The following FMO4 variants were observed in gnomAD, a reference collection of about 807,000 sequenced individuals.
FMO4 encodes the protein dimethylaniline monooxygenase [N-oxide-forming] 4.
Under a neutral mutation model 43.3 loss-of-function variants are expected in FMO4, and 38 were observed. That is an observed-to-expected ratio of 0.88 (90% CI 0.68 to 1.15). FMO4 has a LOEUF of 1.15. Ranked by LOEUF, FMO4 falls within the 50% of genes most tolerant of loss-of-function variation. The pLI is 0.00. For synonymous variants in FMO4, 224 were observed against 232.2 expected (o/e 0.96, Z 0.32); for missense variants, 631 against 663.3 (o/e 0.95, Z 0.54).
rs375743555 is a variant in FMO4 at position 171,323,096 on chromosome 1, C to T, written c.225C>T (p.His75=). The T allele has an allele frequency of 8.8e-5, 142 of 1,612,812 alleles. No homozygotes were observed. The highest frequency in any genetic ancestry group is 1.3e-4 in the African/African-American group (10 of 74,862). The change falls in exon 4 of 10, where the codon CAC becomes CAT. Residue 75 remains histidine, a synonymous_variant. Coordinates refer to ENST00000367749, the MANE Select transcript of FMO4 (RefSeq NM_002022.3). The part of the protein sequence containing the change: ...EMSCYSDFPF[H]EDYPNFMNHE... ...CATGTTACAGTGACTTCCCTTTCCA[C>T]GAAGATTATCCTAATTTCATGAACC...
At chr1:171,320,942 C>T (rs1662398499) in intron 3 of FMO4, among the ~76,000 whole-genome samples, 1 of 152,038 alleles carries the variant, frequency 6.6e-6, no homozygotes, top group Non-Finnish European at 1.5e-5. Flanking sequence ...TCATAGAAGA[C>T]ATGTTGTTTG....
chr1:171,325,504 T>A (rs2284129), intron 5 of FMO4, among the ~76,000 whole-genome samples: 60,220 of 152,018 alleles, frequency 0.4, 14,318 homozygotes, highest in African/African-American at 0.68. Context: ...AGGAAAATAC[T>A]TCTTATAAAT....
In FMO4 at chr1:171,323,133, T is replaced by G. The variant is rs754687832; in HGVS notation, c.262T>G (p.Trp88Gly). ...YPNFMNHEKFWDYLQEFAEHF... is the reference protein window; with the variant it reads ...YPNFMNHEKFGDYLQEFAEHF... ...TAATTTCATGAACCATGAAAAATTT[T>G]GGGACTATCTCCAAGAATTTGCTGA... is the stretch of plus-strand genomic sequence containing the variant. The change falls in exon 4 of 10, where the codon TGG (tryptophan) becomes GGG (glycine). Residue 88 changes from tryptophan (W) to glycine (G), a missense_variant. Physicochemically the swap from Trp to Gly is radical, Grantham distance 184. Coordinates refer to ENST00000367749, the MANE Select transcript of FMO4 (RefSeq NM_002022.3). 7.4e-6 allele frequency: 12 copies of G among 1,613,846 alleles called. No individual in the cohort carries two copies. The highest frequency in any genetic ancestry group is 1.0e-5 in the Non-Finnish European group (12 of 1,179,792).
chr1:171,315,786 TA>T (rs1264323296), intron 1 of FMO4, among the ~76,000 whole-genome samples: 1 of 152,186 alleles, frequency 6.6e-6, no homozygotes, highest in East Asian at 1.9e-4. Context: ...AGTCAGTCCT[TA>T]AAGTGCTTTT....
intron 2 of FMO4, among the ~76,000 whole-genome samples, chr1:171,317,404 T>C (rs1356890322): frequency 6.6e-6 from 1 of 152,198 alleles, no homozygotes; most frequent in African/African-American, 2.4e-5. Context: ...AACTATCATT[T>C]GTGTGTCTTC....
intron 9 of FMO4, among the ~76,000 whole-genome samples, chr1:171,339,939 C>G (rs12057885): frequency 0.42 from 63,291 of 151,936 alleles, 14,433 homozygotes; most frequent in African/African-American, 0.62. Context: ...CCATTGAAAT[C>G]GCTGATGAAG....
chr1:171,331,331 A>G lies in FMO4; in HGVS notation c.485-309A>G, dbSNP rs560750847. On this transcript the variant is annotated intron_variant, in intron 5 of 9. Coordinates refer to ENST00000367749, the MANE Select transcript of FMO4 (RefSeq NM_002022.3). Reference sequence around the variant, plus strand: ...CTACTTTTTGCCCAGGATATTCAGCATAGTATATAAGATGTCTCATTATTT... The same window carrying G: ...CTACTTTTTGCCCAGGATATTCAGCGTAGTATATAAGATGTCTCATTATTT... 1.4e-3 allele frequency among the ~76,000 whole-genome samples: 212 copies of G among 152,332 alleles called. 1 individual carries two copies. The highest frequency in any genetic ancestry group is 4.4e-3 in the African/African-American group (182 of 41,574).
chr1:171,329,269 A>G (rs992482872), intron 5 of FMO4, among the ~76,000 whole-genome samples: 1 of 152,120 alleles, frequency 6.6e-6, no homozygotes, highest in African/African-American at 2.4e-5. Context: ...GTGGTGTCCC[A>G]GGTTCTGATT....
At chr1:171,327,225 C>A (rs1239399830) in intron 5 of FMO4, among the ~76,000 whole-genome samples, 1 of 152,190 alleles carries the variant, frequency 6.6e-6, no homozygotes, top group African/African-American at 2.4e-5. Context: ...TTCTAATCAT[C>A]CTTTAACAAA....
At chr1:171,315,434 T>C (rs1386330825) in intron 1 of FMO4, among the ~76,000 whole-genome samples, 2 of 150,388 alleles carry the variant, frequency 1.3e-5, no homozygotes, top group Admixed American at 6.6e-5. Flanking sequence ...ATTCATATCT[T>C]TTTTTTTTTG....
intron 3 of FMO4, among the ~76,000 whole-genome samples, chr1:171,320,219 C>T (rs1662355842): frequency 6.6e-6 from 1 of 152,190 alleles, no homozygotes; most frequent in Admixed American, 6.5e-5. Context: ...TAGTATTGGA[C>T]ATTTATGATG....
At chr1:171,340,571 A>G (rs1443367037) in intron 9 of FMO4, among the ~76,000 whole-genome samples, 1 of 152,174 alleles carries the variant, frequency 6.6e-6, no homozygotes, top group East Asian at 1.9e-4. Flanking sequence ...TGATGGGAAA[A>G]TATTTCCTGA....
rs1662902880 is a variant in FMO4, at chr1:171,331,657, G to T, written c.502G>T (p.Gly168Cys). The T allele has an allele frequency of 1.2e-6, 2 of 1,613,688 alleles. No individual in the cohort carries two copies. The highest frequency in any genetic ancestry group is 2.7e-5 in the African/African-American group (2 of 74,880). Residue 168 changes from glycine to cysteine, a missense_variant, in exon 6 of 10, where the codon GGT becomes TGT. Physicochemically the swap from Gly to Cys is radical, Grantham distance 159 (BLOSUM62 -3). Transcript: ENST00000367749. Reference sequence around the variant, plus strand: ...CCTCTCAGGAATTCATAAGTTTAAAGGTCAGATCCTGCATAGTCAAGAGTA... The same window carrying T: ...CCTCTCAGGAATTCATAAGTTTAAATGTCAGATCCTGCATAGTCAAGAGTA... ...EAFPGIHKFK[G>C]QILHSQEYKI... is the part of the protein sequence containing the mutation.
chr1:171,318,159 A>T (rs541771658), intron 2 of FMO4, among the ~76,000 whole-genome samples: 265 of 152,178 alleles, frequency 1.7e-3, no homozygotes, highest in Middle Eastern at 3.4e-3. Context: ...CTACTAAAAA[A>T]TACAAAAATT....
Position 171,332,725 on chromosome 1 carries a change from GA to G in FMO4, c.646del (p.Thr216LeufsTer18). ...RTAAQVLLSTRTGTWVLGRSS... is the reference protein window; with the variant it reads ...RTAAQVLLSTXTGTWVLGRSS... ...ACTTTTTAGGTACTTCTCAGTACTA[GA>G]ACTGGTACCTGGGTTCTTGGGCGCT... is the stretch of plus-strand genomic sequence containing the variant. On this transcript the variant is annotated frameshift_variant, in exon 7 of 10. Coordinates refer to ENST00000367749, the MANE Select transcript of FMO4 (RefSeq NM_002022.3). LOFTEE classifies it high-confidence loss of function. 1.2e-6 allele frequency: 2 copies of G among 1,609,798 alleles called. No individual in the cohort carries two copies. The highest frequency in any genetic ancestry group is 1.7e-6 in the Non-Finnish European group (2 of 1,176,278).
At chr1:171,322,940 A>G (rs1470516054) in intron 3 of FMO4, 64 bp from the exon 4 acceptor site, 2 of 1,257,494 alleles carry the variant, frequency 1.6e-6, no homozygotes, top group African/African-American at 1.5e-5. Flanking sequence ...ATGAGCCACC[A>G]TGATCTCTGT....
chr1:171,326,935 T>C (rs1226516316), intron 5 of FMO4, among the ~76,000 whole-genome samples: 3 of 152,222 alleles, frequency 2.0e-5, no homozygotes, highest in Non-Finnish European at 2.9e-5. Context: ...ATATATTTCT[T>C]TTTTACTTTT....
chr1:171,328,741 T>C (rs980676436), intron 5 of FMO4, among the ~76,000 whole-genome samples: 2 of 152,056 alleles, frequency 1.3e-5, no homozygotes, highest in Non-Finnish European at 1.5e-5. Context: ...TTGGGTGGTG[T>C]TGAAAGTGTT....
Position 171,326,341 on chromosome 1 carries a change from G to C in FMO4, c.484+2041G>C, listed in dbSNP as rs45503608. On this transcript the variant is annotated intron_variant, in intron 5 of 9. Coordinates refer to ENST00000367749, the MANE Select transcript of FMO4 (RefSeq NM_002022.3). ...ATGTCGCCACAACTGTTTGAAAGTTGACATTGCAACACATGCATACCCTTT... is the reference window on the plus strand; with the variant it reads ...ATGTCGCCACAACTGTTTGAAAGTTCACATTGCAACACATGCATACCCTTT... Among the ~76,000 whole-genome samples the C allele has an allele frequency of 3.1e-3, 471 of 152,260 alleles. 5 individuals carry two copies. Among genetic ancestry groups the C allele is most frequent in the African/African-American group, 0.011 (455 of 41,564 alleles).
Sources: allele counts gnomAD v4.1 joint callset (sites outside exome capture counted in the v4.1 genomes callset), GRCh38; gene constraint gnomAD v4.1.1; transcripts MANE v1.5; gene names NCBI Gene and HGNC (gene_info 2026-07-23, HGNC 2026-07-21).